Variants in UBE3D observed in about 807,000 individuals in gnomAD.
The protein encoded by UBE3D is E3 ubiquitin-protein ligase E3D.
A neutral mutation model predicts 49.6 loss-of-function variants in UBE3D; 48 were observed. That is an observed-to-expected ratio of 0.97 (90% CI 0.77 to 1.23). The LOEUF is 1.23. Ranked by LOEUF, UBE3D falls within the 50% of genes most tolerant of loss-of-function variation. UBE3D has a pLI of 0.00. For synonymous variants in UBE3D, 189 were observed against 174.2 expected, an observed-to-expected ratio of 1.08 and a Z score of -0.67; for missense variants, 452 against 468.4, an observed-to-expected ratio of 0.96 and a Z score of 0.32.
At chr6:82,884,017 T>A in the UBE3D span, among the ~76,000 whole-genome samples, 1 of 152,186 alleles carries the variant, frequency 6.6e-6, no homozygotes. Flanking sequence ...AATGGTGTTT[T>A]AGCATTTGAG....
chr6:83,032,460 C>T (rs377022370), intron 5 of UBE3D: 8 of 348,002 alleles, frequency 2.3e-5, no homozygotes, highest in Non-Finnish European at 4.6e-5. Flanking sequence ...GCCTGTACCC[C>T]CATTGTATCT....
At chr6:82,959,773 AG>A (rs1255243485) in intron 8 of UBE3D, among the ~76,000 whole-genome samples, 1 of 150,094 alleles carries the variant, frequency 6.7e-6, no homozygotes, top group Non-Finnish European at 1.5e-5. Flanking sequence ...AAGGAATGTA[AG>A]GCCTGCCTTT....
chr6:83,022,290 G>A (rs1207595980), intron 7 of UBE3D, among the ~76,000 whole-genome samples, 163 bp downstream of exon 7: 3 of 152,172 alleles, frequency 2.0e-5, no homozygotes, highest in Admixed American at 2.0e-4. Flanking sequence ...GCCTCCCAAA[G>A]TGCTGGGATT....
Position 82,900,254 on chromosome 6 carries a change from G to T in UBE3D, c.1150-7212C>A, listed in dbSNP as rs563540802. On this transcript the variant is annotated intron_variant, in intron 9 of 9. Transcript: ENST00000369747. ...AAAGTGCTTTTCTATAGTATCAATT[G>T]AAATATTTTCAATTGTTTAAGGAGA... Among the ~76,000 whole-genome samples, 4 of 152,270 alleles carry T rather than the reference G, an allele frequency of 2.6e-5. 1 individual carries two copies. The highest frequency in any genetic ancestry group is 9.6e-5 in the African/African-American group (4 of 41,560).
intron 9 of UBE3D, chr6:82,894,123 G>A (rs1341332097): frequency 6.6e-6 from 1 of 152,186 alleles, no homozygotes; most frequent in Non-Finnish European, 1.5e-5. Context: ...CAAACCTCAA[G>A]AGCTTACTGT....
At chr6:83,052,171 C>A (rs973369341) in intron 3 of UBE3D, among the ~76,000 whole-genome samples, 7 of 152,122 alleles carry the variant, frequency 4.6e-5, no homozygotes, top group Non-Finnish European at 8.8e-5. Context: ...CACATTTTTG[C>A]AATAAAAGAA....
intron 9 of UBE3D, among the ~76,000 whole-genome samples, chr6:82,945,220 G>A (rs543818655): frequency 6.6e-6 from 1 of 152,328 alleles, no homozygotes; most frequent in East Asian, 1.9e-4. Context: ...GTGGCCACAG[G>A]GGCGATTGTG....
chr6:83,014,075 G>A (rs1780530527), intron 8 of UBE3D, among the ~76,000 whole-genome samples: 1 of 152,252 alleles, frequency 6.6e-6, no homozygotes. Context: ...TGCATACCAA[G>A]TACCAGGAGA....
chr6:83,002,546 G>A (rs914349056), intron 8 of UBE3D, among the ~76,000 whole-genome samples: 2 of 152,178 alleles, frequency 1.3e-5, no homozygotes, highest in African/African-American at 2.4e-5. Flanking sequence ...TTAGCTGGGC[G>A]TGGTAGCGGG....
chr6:82,895,729 A>G (rs916202878), intron 9 of UBE3D, among the ~76,000 whole-genome samples: 2 of 152,240 alleles, frequency 1.3e-5, no homozygotes, highest in African/African-American at 4.8e-5. Flanking sequence ...TTGCTCAGAT[A>G]GCAAAGCTCT....
At chr6:82,910,806 G>A (rs964568055) in intron 9 of UBE3D, among the ~76,000 whole-genome samples, 12 of 152,276 alleles carry the variant, frequency 7.9e-5, no homozygotes, top group African/African-American at 2.6e-4. Flanking sequence ...GTAGGAATTA[G>A]GCAGGTGGTG....
intron 9 of UBE3D, among the ~76,000 whole-genome samples, chr6:82,954,031 G>C (rs895810827): frequency 6.6e-6 from 1 of 152,206 alleles, no homozygotes; most frequent in Non-Finnish European, 1.5e-5. Context: ...GGGAGATAGA[G>C]CCAGTGTGCC....
intron 8 of UBE3D, among the ~76,000 whole-genome samples, chr6:83,010,917 A>G (rs538722905): frequency 2.0e-5 from 3 of 152,244 alleles, no homozygotes; most frequent in African/African-American, 7.2e-5. Context: ...CCTCATCGAC[A>G]CACCCAGAGT....
chr6:82,978,282 T>C (rs762079502), intron 8 of UBE3D, among the ~76,000 whole-genome samples: 1 of 152,148 alleles, frequency 6.6e-6, no homozygotes, highest in African/African-American at 2.4e-5. Flanking sequence ...TAAATTTTCC[T>C]AATTAAAGGG....
intron 9 of UBE3D, among the ~76,000 whole-genome samples, chr6:82,896,643 G>A (rs764230643): frequency 3.9e-5 from 6 of 152,114 alleles, no homozygotes; most frequent in Non-Finnish European, 7.4e-5. Flanking sequence ...ACATTTGTGT[G>A]ACACGTTAAA....
chr6:82,936,357 A>G (rs1371178889), intron 9 of UBE3D, among the ~76,000 whole-genome samples: 1 of 152,228 alleles, frequency 6.6e-6, no homozygotes, highest in East Asian at 1.9e-4. Flanking sequence ...AAAGCAGCTG[A>G]TGGTTCAAAT....
At chr6:82,913,754 C>A (rs1409934175) in intron 9 of UBE3D, among the ~76,000 whole-genome samples, 3 of 152,112 alleles carry the variant, frequency 2.0e-5, no homozygotes, top group South Asian at 4.1e-4. Context: ...TAAAACAAAA[C>A]AAAACAAACC....
chr6:83,045,883 T>C (rs1268002701), intron 3 of UBE3D, among the ~76,000 whole-genome samples: 1 of 152,180 alleles, frequency 6.6e-6, no homozygotes, highest in Non-Finnish European at 1.5e-5. Context: ...CTCCCTAGTC[T>C]CGTCTGGTCT....
chr6:82,993,640 C>T (rs946039399), intron 8 of UBE3D, among the ~76,000 whole-genome samples: 2 of 152,064 alleles, frequency 1.3e-5, no homozygotes, highest in African/African-American at 4.8e-5. Flanking sequence ...GGGATTTTCT[C>T]CCCCAAAATA....
Sources: allele counts gnomAD v4.1 joint callset (sites outside exome capture counted in the v4.1 genomes callset), GRCh38; gene constraint gnomAD v4.1.1; transcripts MANE v1.5; gene names NCBI Gene and HGNC (gene_info 2026-07-23, HGNC 2026-07-21).